The following CDH23 variants were observed in gnomAD, a reference collection of about 807,000 sequenced individuals.
CDH23 encodes cadherin related 23, also known as cadherin-23.
Under a neutral mutation model 317.1 loss-of-function variants are expected in CDH23, and 189 were observed. The observed-to-expected ratio is 0.60, with a 90% CI of 0.53 to 0.67. The LOEUF (loss-of-function observed/expected upper bound fraction) is 0.67, where lower values mean the gene tolerates loss of function less well. Ranked by LOEUF, CDH23 falls within the 30% of genes least tolerant of loss-of-function variation. The pLI is 0.00. For synonymous variants in CDH23, 1,839 were observed against 1,876.8 expected (o/e 0.98, Z 0.52); for missense variants, 4,401 against 4,592.4 (o/e 0.96, Z 1.20).
At chr10:71,510,022 A>G in intron 3 of CDH23, 60 bp from the exon 4 acceptor site, 2 of 1,603,850 alleles carry the variant, frequency 1.2e-6, no homozygotes, top group Non-Finnish European at 1.7e-6. Context: ...TGGGCAAGGT[A>G]GGAAGGCATA....
At chr10:71,637,162 A>T (rs1862314754) in intron 11 of CDH23, among the ~76,000 whole-genome samples, 1 of 152,126 alleles carries the variant, frequency 6.6e-6, no homozygotes, top group African/African-American at 2.4e-5. Context: ...AAGAATATGT[A>T]TTCGATGGGC....
At chr10:71,691,076 G>A (rs1292480240) in intron 20 of CDH23, among the ~76,000 whole-genome samples, 2 of 152,138 alleles carry the variant, frequency 1.3e-5, no homozygotes, top group African/African-American at 4.8e-5. Flanking sequence ...CACGAAAAGT[G>A]CTAAAAAAAA....
At chr10:71,402,721 G>A (rs1847835843) in intron 1 of CDH23, among the ~76,000 whole-genome samples, 1 of 103,700 alleles carries the variant, frequency 9.6e-6, no homozygotes, top group African/African-American at 3.5e-5. Flanking sequence ...GTGTGTGTGT[G>A]TGTGTGTGTG....
chr10:71,699,200 T>C (rs1564740830), intron 22 of CDH23, among the ~76,000 whole-genome samples: 1 of 152,246 alleles, frequency 6.6e-6, no homozygotes, highest in Non-Finnish European at 1.5e-5. Context: ...TTTCAAAATA[T>C]GTGTTGTTGA....
At chr10:71,404,617 G>T (rs1266674906) in intron 1 of CDH23, among the ~76,000 whole-genome samples, 3 of 152,248 alleles carry the variant, frequency 2.0e-5, no homozygotes, top group African/African-American at 7.2e-5. Context: ...ATGCTGGCCA[G>T]TCAAGGGCAG....
intron 46 of CDH23, 184 bp downstream of exon 46, chr10:71,790,597 G>A (rs548868885): frequency 2.7e-4 from 189 of 712,550 alleles, no homozygotes; most frequent in Middle Eastern, 8.1e-4. Context: ...GCAGGGGGAC[G>A]TGGGAAGAGG....
At chr10:71,471,529 C>A (rs955703416) in intron 3 of CDH23, among the ~76,000 whole-genome samples, 1 of 119,378 alleles carries the variant, frequency 8.4e-6, no homozygotes, top group Non-Finnish European at 1.7e-5. Flanking sequence ...TTATGACCAC[C>A]CCCAAGCCAG....
intron 11 of CDH23, among the ~76,000 whole-genome samples, chr10:71,618,405 C>A (rs1589267479): frequency 6.6e-6 from 1 of 152,042 alleles, no homozygotes; most frequent in Non-Finnish European, 1.5e-5. Flanking sequence ...GGGGCCAGGT[C>A]TCCATCCCTT....
At chr10:71,482,960 C>T (rs1485210896) in intron 3 of CDH23, among the ~76,000 whole-genome samples, 1 of 152,224 alleles carries the variant, frequency 6.6e-6, no homozygotes, top group East Asian at 1.9e-4. Context: ...AAATCTCCAG[C>T]AGGAATTGAT....
At chr10:71,647,246 T>G (rs1862938157) in intron 14 of CDH23, 2 of 271,284 alleles carry the variant, frequency 7.4e-6, no homozygotes, top group Admixed American at 1.3e-4. Flanking sequence ...GCGGATCACT[T>G]GAGGTCGGGA....
intron 11 of CDH23, among the ~76,000 whole-genome samples, chr10:71,629,633 G>A (rs1861910224): frequency 6.6e-6 from 1 of 152,248 alleles, no homozygotes; most frequent in South Asian, 2.1e-4. Context: ...AACTGAATGT[G>A]ATGCCTTCAT....
intron 6 of CDH23, among the ~76,000 whole-genome samples, chr10:71,564,510 C>A (rs530311077): frequency 2.6e-5 from 4 of 152,384 alleles, no homozygotes; most frequent in African/African-American, 7.2e-5. Flanking sequence ...ACCATCACTT[C>A]TTTTTCCCCT....
At chr10:71,760,753 C>CG (rs903851627) in intron 38 of CDH23, 3 of 927,362 alleles carry the variant, frequency 3.2e-6, no homozygotes, top group Admixed American at 1.8e-5. Flanking sequence ...GGAGGAGGAC[C>CG]GGGGGGTTCT....
chr10:71,435,301 C>A (rs1849566657), intron 1 of CDH23, among the ~76,000 whole-genome samples: 1 of 152,148 alleles, frequency 6.6e-6, no homozygotes, highest in South Asian at 2.1e-4. Flanking sequence ...TAGCTTGAAC[C>A]CTGAAAACTG....
intron 11 of CDH23, among the ~76,000 whole-genome samples, chr10:71,625,396 TAAAAAAAAAAAAAA>T (rs1156772192): frequency 3.0e-4 from 6 of 19,836 alleles, no homozygotes; most frequent in South Asian, 3.8e-3. Flanking sequence ...CCAAATAAAT[TAAAAAAAAAAAAAA>T]AAAAAAAAAA....
chr10:71,403,485 CCTTCCTTCCTTCCTTCCTTCCTTT>C (rs1847949563), intron 1 of CDH23, among the ~76,000 whole-genome samples: 1 of 123,696 alleles, frequency 8.1e-6, no homozygotes, highest in African/African-American at 3.4e-5. Flanking sequence ...TTCCTTCCTT[CCTTCCTTCCTTCCTTCCTTCCTTT>C]CTTTCCTTCT....
At chr10:71,526,532 C>T (rs571390852) in intron 6 of CDH23, among the ~76,000 whole-genome samples, 8 of 152,334 alleles carry the variant, frequency 5.3e-5, no homozygotes, top group South Asian at 2.1e-4. Context: ...TCAGATAGAC[C>T]GTTCCCTGCA....
At chr10:71,530,936 G>A (rs569000280) in intron 6 of CDH23, among the ~76,000 whole-genome samples, 4 of 152,348 alleles carry the variant, frequency 2.6e-5, no homozygotes, top group Admixed American at 2.6e-4. Flanking sequence ...CTGGCCAGCA[G>A]ACCTCAGAAT....
chr10:71,741,015 TG>T, intron 37 of CDH23, 65 bp downstream of exon 37: 1 of 1,587,676 alleles, frequency 6.3e-7, no homozygotes, highest in Non-Finnish European at 8.6e-7. Context: ...GAGCCAACCA[TG>T]CAGCCCCTGT....
Sources: allele counts gnomAD v4.1 joint callset (sites outside exome capture counted in the v4.1 genomes callset), GRCh38; gene constraint gnomAD v4.1.1; transcripts MANE v1.5; gene names NCBI Gene and HGNC (gene_info 2026-07-23, HGNC 2026-07-21).